Variants in SNX29 observed in about 807,000 individuals in gnomAD.
The protein encoded by SNX29 is sorting nexin 29.
A neutral mutation model predicts 102.1 loss-of-function variants in SNX29; 78 were observed. The observed-to-expected ratio is 0.76, with a 90% CI of 0.64 to 0.92. The LOEUF (loss-of-function observed/expected upper bound fraction) is 0.92. Ranked by LOEUF, SNX29 falls within the 40% of genes least tolerant of loss-of-function variation. The pLI is 0.00. For synonymous variants in SNX29, 580 were observed against 414.5 expected, an observed-to-expected ratio of 1.40 and a Z score of -4.85; for missense variants, 1,280 against 1,061.7, an observed-to-expected ratio of 1.21 and a Z score of -2.86.
At position 11,986,650 on chromosome 16, in the gene SNX29, C is replaced by G. The variant is rs948124704; in HGVS notation, c.7+9837C>G. ...ATAGCATTCCACCAAATTGATGTAC[C>G]GCAGCTATTTAACCTCTCTCCCATT... is the stretch of plus-strand genomic sequence containing the variant. On this transcript the variant is annotated intron_variant, in intron 1 of 20. Coordinates refer to ENST00000566228, the MANE Select transcript of SNX29 (RefSeq NM_032167.5). 2.6e-5 allele frequency among the ~76,000 whole-genome samples: 4 copies of G among 152,216 alleles called. No individual in the cohort carries two copies. In the South Asian group the frequency reaches 8.3e-4, roughly 32 times the overall value.
chr16:12,217,331 C>A (rs1382217474), intron 14 of SNX29, among the ~76,000 whole-genome samples: 1 of 152,208 alleles, frequency 6.6e-6, no homozygotes, highest in African/African-American at 2.4e-5. Context: ...CCAACACCTG[C>A]TGTTTCTGCC....
In SNX29 at chr16:12,027,350, C is replaced by T. The variant is rs149252396; in HGVS notation, c.153C>T (p.Ala51=). The T allele has an allele frequency of 1.4e-4, 226 of 1,613,998 alleles. No individual in the cohort carries two copies. The highest frequency in any genetic ancestry group is 2.1e-4 in the South Asian group (19 of 91,068). The change falls in exon 4 of 21, where the codon GCC becomes GCT. Residue 51 remains alanine, a synonymous_variant. Coordinates refer to ENST00000566228, the MANE Select transcript of SNX29 (RefSeq NM_032167.5). ...CCTGTCTGTGTGCCCAGTTTGAAGC[C>T]GTCCTGCAGCATGGCTTGAAGAGGA... ...RVTCLCAQFE[A]VLQHGLKRSR... is the part of the protein sequence containing the mutation.
intron 14 of SNX29, among the ~76,000 whole-genome samples, chr16:12,264,210 C>T (rs58049731): frequency 0.024 from 3,653 of 152,348 alleles, 96 homozygotes; most frequent in African/African-American, 0.061. Context: ...TGTGTCCTCA[C>T]TCTGTTGACG....
Position 12,310,056 on chromosome 16 carries a change from ACG to A in SNX29, c.1782+32022_1782+32023del, listed in dbSNP as rs1370968844. Among the ~76,000 whole-genome samples the A allele has an allele frequency of 1.2e-4, 19 of 152,254 alleles. No individual in the cohort carries two copies. The East Asian group carries it at 2.5e-3, about 20-fold the overall frequency. On this transcript the variant is annotated intron_variant, in intron 15 of 20. Coordinates refer to ENST00000566228, the MANE Select transcript of SNX29 (RefSeq NM_032167.5). ...GATGTGTGCACACATATGTACACAC[ACG>A]CATGCACGCACATACATACACATGT...
At chr16:12,205,318 A>C (rs2077017734) in intron 14 of SNX29, among the ~76,000 whole-genome samples, 1 of 152,134 alleles carries the variant, frequency 6.6e-6, no homozygotes, top group Non-Finnish European at 1.5e-5. Context: ...CAATCCACCA[A>C]AGCTGGCTCT....
chr16:12,078,815 C>T lies in SNX29; in HGVS notation c.1320-18C>T, dbSNP rs549916588. Reference sequence around the variant, plus strand: ...TTCAGTGGCCGAGTGTAACTTCCTCCTGCCTGCTTTTTCCTAGTGTGGAAG... The same window carrying T: ...TTCAGTGGCCGAGTGTAACTTCCTCTTGCCTGCTTTTTCCTAGTGTGGAAG... On this transcript the variant is annotated intron_variant, in intron 10 of 20. Transcript: ENST00000566228. The T allele has an allele frequency of 3.0e-5, 48 of 1,587,714 alleles. No individual in the cohort carries two copies. The highest frequency in any genetic ancestry group is 1.6e-4 in the Middle Eastern group (1 of 6,062).
intron 1 of SNX29, among the ~76,000 whole-genome samples, chr16:11,981,282 A>G (rs1022262832): frequency 6.6e-6 from 1 of 150,972 alleles, no homozygotes; most frequent in Non-Finnish European, 1.5e-5. Flanking sequence ...TTTTTGTATT[A>G]TTAGTGTTGA....
chr16:12,192,832 G>C lies in SNX29; in HGVS notation c.1596-6769G>C, dbSNP rs113916481. 7.3e-3 allele frequency among the ~76,000 whole-genome samples: 1,114 copies of C among 152,242 alleles called. 21 individuals carry two copies. The highest frequency in any genetic ancestry group is 0.025 in the African/African-American group (1,055 of 41,540). ...GTTTTCCTGCCTCAGCTCCCAAGTA[G>C]CTGGGATTACAGGTGCCTGCTACCA... is the stretch of plus-strand genomic sequence containing the variant. On this transcript the variant is annotated intron_variant, in intron 13 of 20. Transcript: ENST00000566228.
At chr16:12,212,169 G>A (rs2077203571) in intron 14 of SNX29, among the ~76,000 whole-genome samples, 1 of 152,130 alleles carries the variant, frequency 6.6e-6, no homozygotes, top group Admixed American at 6.5e-5. Flanking sequence ...TGTGTGACTG[G>A]CTAGCATTTA....
At chr16:12,221,733 C>G (rs529953275) in intron 14 of SNX29, among the ~76,000 whole-genome samples, 15 of 152,312 alleles carry the variant, frequency 9.8e-5, no homozygotes, top group Non-Finnish European at 2.1e-4. Context: ...GACTGAACAT[C>G]CGTCGCATTT....
intron 14 of SNX29, among the ~76,000 whole-genome samples, chr16:12,276,905 G>T (rs1401261184): frequency 6.6e-6 from 1 of 152,088 alleles, no homozygotes; most frequent in East Asian, 1.9e-4. Flanking sequence ...CTTTTGCATT[G>T]ACGTTCTGTG....
At chr16:12,563,722 G>T (rs1267802963) in intron 20 of SNX29, among the ~76,000 whole-genome samples, 4 of 152,216 alleles carry the variant, frequency 2.6e-5, no homozygotes, top group Non-Finnish European at 5.9e-5. Flanking sequence ...GAAAGCCAGA[G>T]ATGGCACTGT....
At chr16:12,089,751 G>T in intron 11 of SNX29, 1 of 297,106 alleles carries the variant, frequency 3.4e-6, no homozygotes, top group South Asian at 2.7e-5. Context: ...TGAAGCAGGG[G>T]CGATAGGATT....
At chr16:12,297,179 T>G (rs2080010542) in intron 15 of SNX29, 1 of 152,384 alleles carries the variant, frequency 6.6e-6, no homozygotes, top group South Asian at 2.1e-4. Flanking sequence ...GCAGCTGCAC[T>G]GGGGCGGAGG....
chr16:12,560,135 T>TCCCC (rs57116555), intron 20 of SNX29, among the ~76,000 whole-genome samples: 10 of 135,392 alleles, frequency 7.4e-5, no homozygotes, highest in South Asian at 2.4e-4. Flanking sequence ...TGTGTTCCCC[T>TCCCC]CCCCCCCCCA....
chr16:12,060,596 C>A (rs1268717918), intron 8 of SNX29, among the ~76,000 whole-genome samples: 1 of 152,192 alleles, frequency 6.6e-6, no homozygotes, highest in Non-Finnish European at 1.5e-5. Context: ...GAGCAAGACT[C>A]CAACTCTAAA....
At chr16:12,112,318 GTT>G (rs2053531768) in intron 11 of SNX29, among the ~76,000 whole-genome samples, 2 of 152,158 alleles carry the variant, frequency 1.3e-5, no homozygotes, top group African/African-American at 4.8e-5. Context: ...TCCCTCTTAA[GTT>G]TGAATCAGAA....
intron 19 of SNX29, among the ~76,000 whole-genome samples, chr16:12,496,669 C>T (rs942655144): frequency 1.5e-4 from 23 of 152,078 alleles, no homozygotes; most frequent in Non-Finnish European, 3.4e-4. Context: ...TGCCACCATG[C>T]CTGGCTAATT....
chr16:12,414,208 A>G (rs1392686569), intron 18 of SNX29, among the ~76,000 whole-genome samples: 2 of 152,114 alleles, frequency 1.3e-5, no homozygotes, highest in African/African-American at 2.4e-5. Context: ...GGCTGACTGT[A>G]TTAAAAATTA....
Sources: allele counts gnomAD v4.1 joint callset (sites outside exome capture counted in the v4.1 genomes callset), GRCh38; gene constraint gnomAD v4.1.1; transcripts MANE v1.5; gene names NCBI Gene and HGNC (gene_info 2026-07-23, HGNC 2026-07-21).